The following PIK3R1 variants were observed in gnomAD, a reference collection of about 807,000 sequenced individuals.
PIK3R1 encodes the protein phosphatidylinositol 3-kinase regulatory subunit alpha.
PIK3R1 carries 29 observed loss-of-function variants against 98.0 expected under a neutral mutation model. The observed-to-expected ratio is 0.30, with a 90% CI of 0.22 to 0.40. PIK3R1 has a LOEUF of 0.40. PIK3R1 is among the 10% of genes least tolerant of loss of function. PIK3R1 has a pLI of 1.00. For missense variants in PIK3R1, 596 were observed against 872.7 expected (o/e 0.68, Z 3.99); for synonymous variants, 282 against 311.8 (o/e 0.90, Z 1.01).
At chr5:68,248,763 A>G (rs1028760393) in intron 2 of PIK3R1, among the ~76,000 whole-genome samples, 5 of 152,198 alleles carry the variant, frequency 3.3e-5, no homozygotes, top group South Asian at 2.1e-4. Context: ...ATTTGTTTCA[A>G]TTTTTATGTA....
chr5:68,228,793 AAGC>A (rs564363881), intron 2 of PIK3R1, among the ~76,000 whole-genome samples: 207 of 152,330 alleles, frequency 1.4e-3, no homozygotes, highest in African/African-American at 4.8e-3. Context: ...AATTTTATAA[AAGC>A]AGTTTCTAAA....
rs1409891874 is a variant in PIK3R1 at position 68,215,908 on chromosome 5, C to CT, written c.-427dup. On this transcript the variant is annotated 5_prime_UTR_variant, in exon 1 of 16. Transcript: ENST00000521381. ...GAACCGAGCGGGCAGGAGGCCACCGCTGCAGCGCGGGCCCCGCAGAGGAAG... is the reference window on the plus strand; with the variant it reads ...GAACCGAGCGGGCAGGAGGCCACCGCTTGCAGCGCGGGCCCCGCAGAGGAAG... 6.5e-6 allele frequency: 1 copy of CT among 152,998 alleles called. No homozygotes were observed. Among genetic ancestry groups the CT allele is most frequent in the Non-Finnish European group, 1.5e-5 (1 of 68,754 alleles). 9.5% of individuals were successfully genotyped at this position (152,998 alleles called of 1,614,324 possible).
intron 2 of PIK3R1, among the ~76,000 whole-genome samples, chr5:68,269,370 C>A (rs907317024): frequency 5.8e-4 from 88 of 152,184 alleles, no homozygotes; most frequent in African/African-American, 2.1e-3. Context: ...AAATCAAAAG[C>A]TGAACTGTAA....
chr5:68,217,709 T>A (rs1743955142), intron 1 of PIK3R1: 2 of 151,948 alleles, frequency 1.3e-5, no homozygotes, highest in South Asian at 4.1e-4. Flanking sequence ...AGAGTTAAGG[T>A]TTAAGTTGGA....
chr5:68,237,595 G>GAA (rs11308179), intron 2 of PIK3R1, among the ~76,000 whole-genome samples: 14 of 135,912 alleles, frequency 1.0e-4, no homozygotes, highest in Admixed American at 7.4e-5. Context: ...TTTTCCCATT[G>GAA]AAAAAAAAAA....
intron 2 of PIK3R1, among the ~76,000 whole-genome samples, chr5:68,272,521 G>A (rs1306412834): frequency 6.6e-6 from 1 of 152,114 alleles, no homozygotes; most frequent in Non-Finnish European, 1.5e-5. Flanking sequence ...GGCATAATTT[G>A]AGAATTTTTT....
chr5:68,269,581 T>G (rs1580229611), intron 2 of PIK3R1, among the ~76,000 whole-genome samples: 1 of 152,232 alleles, frequency 6.6e-6, no homozygotes, highest in Non-Finnish European at 1.5e-5. Context: ...TCCTAGCAAT[T>G]GTCATTTCCT....
intron 7 of PIK3R1, chr5:68,288,264 C>A: frequency 3.6e-6 from 1 of 274,088 alleles, no homozygotes; most frequent in Non-Finnish European, 6.0e-6. Context: ...CTTGCATTGG[C>A]CACTTGTCAG....
chr5:68,284,247 TC>T lies in PIK3R1; in HGVS notation c.916+3243del, dbSNP rs1434746491. Reference sequence around the variant, plus strand: ...GCTGTCCTCATTCAGCAGGTCTGATTCCTTCAGTCCACCCATTCCTCATTAG... The same window carrying T: ...GCTGTCCTCATTCAGCAGGTCTGATTCTTCAGTCCACCCATTCCTCATTAG... On this transcript the variant is annotated intron_variant, in intron 7 of 15. Transcript: ENST00000521381. 2.0e-5 allele frequency among the ~76,000 whole-genome samples: 3 copies of T among 152,340 alleles called. No individual in the cohort carries two copies. The East Asian group carries it at 5.8e-4, about 29-fold the overall frequency.
chr5:68,257,309 A>G (rs1745557164), intron 2 of PIK3R1, among the ~76,000 whole-genome samples: 1 of 152,234 alleles, frequency 6.6e-6, no homozygotes, highest in Non-Finnish European at 1.5e-5. Context: ...ATGCAGACAT[A>G]ACCATGGAGG....
At chr5:68,272,678 C>T (rs1253842593) in intron 2 of PIK3R1, among the ~76,000 whole-genome samples, 1 of 152,000 alleles carries the variant, frequency 6.6e-6, no homozygotes, top group African/African-American at 2.4e-5. Context: ...TTTACGAAAA[C>T]ACCACATTTT....
chr5:68,218,316 C>G (rs1351610823), intron 1 of PIK3R1, among the ~76,000 whole-genome samples: 6 of 152,046 alleles, frequency 3.9e-5, no homozygotes, highest in Non-Finnish European at 7.4e-5. Flanking sequence ...TCAAACTAAC[C>G]CAAATTTTGT....
At chr5:68,238,314 G>C (rs570899046) in intron 2 of PIK3R1, among the ~76,000 whole-genome samples, 1 of 152,260 alleles carries the variant, frequency 6.6e-6, no homozygotes, top group African/African-American at 2.4e-5. Context: ...TCCTTGTTTA[G>C]TGATAAACAG....
chr5:68,236,162 C>T (rs991402466), intron 2 of PIK3R1, among the ~76,000 whole-genome samples: 9 of 151,864 alleles, frequency 5.9e-5, no homozygotes, highest in African/African-American at 1.7e-4. Flanking sequence ...CGAGCCACCA[C>T]GCTGGCCCTG....
chr5:68,259,064 T>A (rs535099955), intron 2 of PIK3R1, among the ~76,000 whole-genome samples: 1 of 152,290 alleles, frequency 6.6e-6, no homozygotes, highest in South Asian at 2.1e-4. Context: ...AAAGAAAAAT[T>A]GAAGGCCATC....
rs1491228227 is a variant in PIK3R1, at chr5:68,298,741, AAG to A, written c.*1142_*1143del. On this transcript the variant is annotated 3_prime_UTR_variant, in exon 16 of 16. Transcript: ENST00000521381. ...CAAAGCTGCTTTATTCAATAAAAAAAAGAAATGAAAAAGATATATGAATATGA... is the reference window on the plus strand; with the variant it reads ...CAAAGCTGCTTTATTCAATAAAAAAAAAATGAAAAAGATATATGAATATGA... 1.3e-5 allele frequency: 3 copies of A among 233,376 alleles called. No individual in the cohort carries two copies. The Admixed American group carries it at 1.7e-4, about 13-fold the overall frequency. The allele number at this position is 233,376 out of a possible 1,614,324, so 14.5% of individuals were successfully genotyped here. A position where few individuals can be genotyped will look rare whatever the true frequency, so the allele number is the denominator to read the frequency against.
At chr5:68,258,019 A>G (rs922614844) in intron 2 of PIK3R1, among the ~76,000 whole-genome samples, 3 of 152,306 alleles carry the variant, frequency 2.0e-5, no homozygotes, top group African/African-American at 7.2e-5. Context: ...TCCAAACTGG[A>G]AGCAGATATT....
intron 1 of PIK3R1, among the ~76,000 whole-genome samples, chr5:68,219,313 G>A (rs1174663962): frequency 6.6e-6 from 1 of 152,202 alleles, no homozygotes; most frequent in Non-Finnish European, 1.5e-5. Flanking sequence ...TAGTTGTCAG[G>A]TTAATGATCA....
intron 2 of PIK3R1, among the ~76,000 whole-genome samples, chr5:68,235,885 T>TC (rs1744646904): frequency 6.8e-6 from 1 of 147,794 alleles, no homozygotes; most frequent in African/African-American, 2.5e-5. Flanking sequence ...TTTTTTTTTC[T>TC]TTTTTTTTTG....
Sources: gnomAD v4.1 joint callset for allele counts (sites outside exome capture counted in the v4.1 genomes callset) on GRCh38, gnomAD v4.1.1 for gene constraint, MANE v1.5 for transcripts, NCBI Gene and HGNC (gene_info 2026-07-23, HGNC 2026-07-21) for gene names.